Variants in SPACA7 observed in about 807,000 individuals in gnomAD.
SPACA7 encodes the protein sperm acrosome associated 7.
A neutral mutation model predicts 26.3 loss-of-function variants in SPACA7; 19 were observed. That is an observed-to-expected ratio of 0.72 (90% confidence interval 0.50 to 1.06). The LOEUF is 1.06. Ranked by LOEUF, SPACA7 falls within the 50% of genes least tolerant of loss-of-function variation. The pLI is 0.00. For synonymous variants in SPACA7, 84 were observed against 84.5 expected (o/e 0.99, Z 0.04); for missense variants, 211 against 229.9 (o/e 0.92, Z 0.53).
At chr13:112,411,676 G>A (rs1886362089) in intron 5 of SPACA7, among the ~76,000 whole-genome samples, 1 of 152,030 alleles carries the variant, frequency 6.6e-6, no homozygotes, top group African/African-American at 2.4e-5. Context: ...TCCAACATAT[G>A]AGTGAGAGCA....
intron 5 of SPACA7, among the ~76,000 whole-genome samples, chr13:112,408,407 T>G (rs1886131028): frequency 6.6e-6 from 1 of 152,102 alleles, no homozygotes; most frequent in African/African-American, 2.4e-5. Context: ...TGTATTTGAT[T>G]AGGAAAAGAG....
intron 1 of SPACA7, chr13:112,378,741 T>C (rs1185529820): frequency 2.1e-6 from 1 of 471,168 alleles, no homozygotes; most frequent in Non-Finnish European, 4.4e-6. Flanking sequence ...GGTCAGTTTC[T>C]CCAGCTCCAT....
At chr13:112,378,599 A>G in intron 1 of SPACA7, 1 of 460,238 alleles carries the variant, frequency 2.2e-6, no homozygotes, top group Non-Finnish European at 4.5e-6. Flanking sequence ...ATCAGACTTC[A>G]CATGTGGTAC....
intron 5 of SPACA7, among the ~76,000 whole-genome samples, chr13:112,428,591 C>A (rs1876767276): frequency 6.6e-6 from 1 of 151,786 alleles, no homozygotes; most frequent in Non-Finnish European, 1.5e-5. Context: ...AAAAATAAAA[C>A]AAAAACAAAA....
intron 5 of SPACA7, among the ~76,000 whole-genome samples, chr13:112,401,945 G>C (rs1885672195): frequency 6.6e-6 from 1 of 152,122 alleles, no homozygotes; most frequent in Admixed American, 6.5e-5. Flanking sequence ...TCTACTAAGG[G>C]GCCAGCACCA....
chr13:112,397,791 C>T (rs2138943808), intron 2 of SPACA7, among the ~76,000 whole-genome samples: 1 of 152,330 alleles, frequency 6.6e-6, no homozygotes, highest in African/African-American at 2.4e-5. Context: ...AGCCTTGTAC[C>T]TTTGGGGGGC....
In SPACA7 at chr13:112,399,223, G is replaced by C. The variant is rs780664769; in HGVS notation, c.349+50G>C. 7.1e-6 allele frequency: 7 copies of C among 984,978 alleles called. No homozygotes were observed. The Admixed American group carries it at 1.2e-4, about 17-fold the overall frequency. 61.0% of individuals were successfully genotyped at this position (984,978 alleles called of 1,614,324 possible). ...CTTCCCAAGTCCAGCTGTAATGGGAGAGGTAGGAGGCAGGCAGACGCAGGC... is the reference window on the plus strand; with the variant it reads ...CTTCCCAAGTCCAGCTGTAATGGGACAGGTAGGAGGCAGGCAGACGCAGGC... On this transcript the variant is annotated intron_variant, in intron 4 of 6. Transcript: ENST00000283550.
intron 1 of SPACA7, among the ~76,000 whole-genome samples, chr13:112,379,713 A>AC (rs1209426914): frequency 6.6e-6 from 1 of 152,176 alleles, no homozygotes; most frequent in Non-Finnish European, 1.5e-5. Flanking sequence ...CTTTCTTTTC[A>AC]CCAAGTGAGA....
chr13:112,401,230 C>A, intron 5 of SPACA7, 66 bp downstream of exon 5: 1 of 1,268,580 alleles, frequency 7.9e-7, no homozygotes. Context: ...TGTGAGGTGA[C>A]TGTCTCCCTC....
At chr13:112,418,272 T>C (rs1886814142) in intron 5 of SPACA7, among the ~76,000 whole-genome samples, 1 of 152,234 alleles carries the variant, frequency 6.6e-6, no homozygotes, top group South Asian at 2.1e-4. Flanking sequence ...ACAGATCTAA[T>C]TGCAGAACAA....
intron 5 of SPACA7, among the ~76,000 whole-genome samples, chr13:112,415,495 A>T (rs1390460271): frequency 6.6e-6 from 1 of 152,182 alleles, no homozygotes; most frequent in Non-Finnish European, 1.5e-5. Context: ...GCCTGGAATC[A>T]GGAGCTTCAG....
chr13:112,401,251 A>G, intron 5 of SPACA7, 87 bp downstream of exon 5: 5 of 1,005,302 alleles, frequency 5.0e-6, no homozygotes, highest in Non-Finnish European at 6.2e-6. Flanking sequence ...CAGCCTCGCC[A>G]GTATGCCTTG....
chr13:112,388,704 A>G (rs1387666005), intron 1 of SPACA7, among the ~76,000 whole-genome samples: 1 of 152,256 alleles, frequency 6.6e-6, no homozygotes, highest in Non-Finnish European at 1.5e-5. Context: ...AATGCAATAG[A>G]GAAAGAGTAA....
chr13:112,424,938 C>T (rs1381267612), intron 5 of SPACA7, among the ~76,000 whole-genome samples: 1 of 152,196 alleles, frequency 6.6e-6, no homozygotes, highest in Non-Finnish European at 1.5e-5. Context: ...AGCACCTTGC[C>T]TTGAGTAGGT....
chr13:112,431,954 G>A (rs556680585), intron 5 of SPACA7, among the ~76,000 whole-genome samples: 3 of 152,264 alleles, frequency 2.0e-5, no homozygotes, highest in South Asian at 2.1e-4. Context: ...CCTGAGCAGC[G>A]GGGACCACAC....
chr13:112,383,133 GAAAGAAAGAAAGAAAGAA>G (rs1884260984), intron 1 of SPACA7, among the ~76,000 whole-genome samples: 2 of 3,144 alleles, frequency 6.4e-4, no homozygotes, highest in Non-Finnish European at 2.3e-3. Flanking sequence ...AAGAAAGAAA[GAAAGAAAGAAAGAAAGAA>G]AGAAAGAAAG....
At chr13:112,401,271 TAG>T in intron 5 of SPACA7, 107 bp downstream of exon 5, 1 of 787,502 alleles carries the variant, frequency 1.3e-6, no homozygotes, top group Non-Finnish European at 2.1e-6. Context: ...GTTATGCCAT[TAG>T]GTTTCCACCA....
At chr13:112,392,769 G>A (rs1566461595) in intron 1 of SPACA7, among the ~76,000 whole-genome samples, 1 of 152,108 alleles carries the variant, frequency 6.6e-6, no homozygotes, top group Non-Finnish European at 1.5e-5. Context: ...CAGAGCTCCT[G>A]GACAATTGTC....
At chr13:112,390,154 G>A (rs1042776577) in intron 1 of SPACA7, among the ~76,000 whole-genome samples, 4 of 152,116 alleles carry the variant, frequency 2.6e-5, no homozygotes, top group African/African-American at 9.7e-5. Flanking sequence ...GAGGAGTGGA[G>A]GCCCAGGGGG....
Sources: allele counts gnomAD v4.1 joint callset (sites outside exome capture counted in the v4.1 genomes callset), GRCh38; gene constraint gnomAD v4.1.1; transcripts MANE v1.5; gene names NCBI Gene and HGNC (gene_info 2026-07-23, HGNC 2026-07-21).